Variants in RPAIN observed in about 807,000 individuals in gnomAD.
RPAIN encodes RPA interacting protein.
RPAIN carries 29 observed loss-of-function variants against 30.5 expected under a neutral mutation model. The ratio of observed to expected loss-of-function variants is 0.95; its 90% CI spans 0.71 to 1.30. The LOEUF is 1.30. Among genes scored for constraint, RPAIN ranks in the 50% most tolerant of loss-of-function variants. The probability of loss-of-function intolerance (pLI) is 0.00; values close to 1 mark genes in which losing one functional copy is unlikely to be tolerated. For synonymous variants in RPAIN, 101 were observed against 93.5 expected, an observed-to-expected ratio of 1.08 and a Z score of -0.46; for missense variants, 247 against 264.7, an observed-to-expected ratio of 0.93 and a Z score of 0.46.
intron 3 of RPAIN, 126 bp from the exon 4 acceptor site, chr17:5,425,845 C>T (rs1325663098): frequency 3.2e-6 from 2 of 628,846 alleles, no homozygotes; most frequent in Non-Finnish European, 5.6e-6. Flanking sequence ...AAAAACCAGT[C>T]ATTGGTATTG....
rs771596201 is a variant in RPAIN, at chr17:5,432,488, A to G, written c.631-54A>G. On this transcript the variant is annotated intron_variant, in intron 6 of 6. Transcript: ENST00000381209. ...TCATTGATTACAACTTTTATCAGAT[A>G]TCTTTCATGACTAGAATACAATTTA... 15 of 1,504,040 alleles carry G rather than the reference A, an allele frequency of 1.0e-5. No individual in the cohort carries two copies. The Middle Eastern group carries it at 2.0e-3, about 205-fold the overall frequency. 93.2% of individuals were successfully genotyped at this position (1,504,040 alleles called of 1,614,324 possible). A position where few individuals can be genotyped will look rare whatever the true frequency, so the allele number is the denominator to read the frequency against.
intron 6 of RPAIN, chr17:5,428,589 AT>A: frequency 9.6e-7 from 1 of 1,044,158 alleles, no homozygotes; most frequent in Non-Finnish European, 1.2e-6. Flanking sequence ...GCAGGGCAGC[AT>A]TAGGTTTGTC....
At chr17:5,431,183 T>C (rs1915877699) in intron 6 of RPAIN, 1 of 315,966 alleles carries the variant, frequency 3.2e-6, no homozygotes, top group South Asian at 2.7e-5. Context: ...GAGGTGGGGG[T>C]CACAGCAAAT....
intron 2 of RPAIN, 92 bp downstream of exon 2, chr17:5,421,558 C>T: frequency 3.6e-6 from 4 of 1,104,638 alleles, no homozygotes; most frequent in Non-Finnish European, 5.2e-6. Context: ...GTCCTCTAAA[C>T]CCACCATTCC....
At chr17:5,429,648 C>G (rs185715763) in intron 6 of RPAIN, 118 of 985,456 alleles carry the variant, frequency 1.2e-4, no homozygotes, top group Non-Finnish European at 4.0e-5. Flanking sequence ...AAACCCCTCA[C>G]TACTTCCTGT....
At chr17:5,425,290 A>G (rs1377815604) in intron 3 of RPAIN, 2 of 455,764 alleles carry the variant, frequency 4.4e-6, no homozygotes, top group Non-Finnish European at 8.8e-6. Context: ...CACAGATTCC[A>G]AGTATGTGGA....
intron 6 of RPAIN, chr17:5,432,234 A>G (rs994010067): frequency 9.1e-6 from 3 of 330,876 alleles, no homozygotes; most frequent in Non-Finnish European, 1.7e-5. Context: ...GAGTTTGAAT[A>G]CAATCTTTCT....
intron 6 of RPAIN, chr17:5,431,436 G>A (rs1457186175): frequency 6.8e-6 from 3 of 441,558 alleles, no homozygotes; most frequent in Admixed American, 2.5e-5. Flanking sequence ...GCAGTGAGCT[G>A]AGAGGGCGCC....
chr17:5,428,327 T>G (rs1915603830), intron 6 of RPAIN, 116 bp downstream of exon 6: 1 of 1,558,326 alleles, frequency 6.4e-7, no homozygotes. Flanking sequence ...GTTTATTATC[T>G]GAGGAATTTA....
intron 3 of RPAIN, chr17:5,425,613 G>C (rs1328322698): frequency 2.8e-6 from 1 of 356,394 alleles, no homozygotes; most frequent in East Asian, 7.4e-5. Flanking sequence ...TGGGATTACA[G>C]GTGTGAGTCA....
chr17:5,431,262 G>A lies in RPAIN; in HGVS notation c.631-1280G>A, dbSNP rs377464937. 14 of 357,396 alleles carry A rather than the reference G, an allele frequency of 3.9e-5. No individual in the cohort carries two copies. In the Admixed American group the frequency reaches 4.5e-4, roughly 12 times the overall value. 22.1% of individuals were successfully genotyped at this position (357,396 alleles called of 1,614,324 possible). A position where few individuals can be genotyped will look rare whatever the true frequency, so the allele number is the denominator to read the frequency against. ...AGCATTTAGGAAGGCTGAGGTGGGA[G>A]GATCACTTGAGGCCAGGAATTCAAG... On this transcript the variant is annotated intron_variant, in intron 6 of 6. Coordinates refer to ENST00000381209, the MANE Select transcript of RPAIN (RefSeq NM_001033002.4).
chr17:5,426,497 A>G, intron 5 of RPAIN, 198 bp downstream of exon 5: 1 of 592,554 alleles, frequency 1.7e-6, no homozygotes. Context: ...TACACATCAG[A>G]GCCTTTAGGG....
intron 1 of RPAIN, among the ~76,000 whole-genome samples, chr17:5,420,567 G>T (rs959612228): frequency 3.3e-5 from 5 of 152,046 alleles, no homozygotes; most frequent in Admixed American, 2.0e-4. Context: ...TGCTGCGGAG[G>T]TGGCCACCGA....
chr17:5,426,804 C>G (rs1026209214), intron 5 of RPAIN: 2 of 152,572 alleles, frequency 1.3e-5, no homozygotes, highest in African/African-American at 4.8e-5. Flanking sequence ...CCACGCCCGG[C>G]TAATTTTTTT....
Position 5,426,258 on chromosome 17 carries a change from G to A in RPAIN, c.448G>A (p.Gly150Ser), listed in dbSNP as rs547349929. Reference protein sequence around the residue: ...CTKYNLRITSGVVVCQCGLSI... With the variant: ...CTKYNLRITSSVVVCQCGLSI... ...TAGGTACAACCTGAGAATCACAAGCGGTGTGGTGGTGTGTCAGTGTGGCCT... is the reference window on the plus strand; with the variant it reads ...TAGGTACAACCTGAGAATCACAAGCAGTGTGGTGGTGTGTCAGTGTGGCCT... The change falls in exon 5 of 7, where the codon GGT becomes AGT. Residue 150 changes from glycine (G) to serine (S), a missense_variant. By Grantham distance (56) the Gly-to-Ser change is moderately conservative (BLOSUM62 0). Coordinates refer to ENST00000381209, the MANE Select transcript of RPAIN (RefSeq NM_001033002.4). The A allele has an allele frequency of 3.5e-5, 56 of 1,614,136 alleles. No homozygotes were observed. The South Asian group carries it at 4.8e-4, about 14-fold the overall frequency.
chr17:5,426,324 A>G (rs1350660275), intron 5 of RPAIN, 25 bp downstream of exon 5: 3 of 1,591,776 alleles, frequency 1.9e-6, no homozygotes, highest in Non-Finnish European at 2.6e-6. Flanking sequence ...CACAGATTTC[A>G]TGATACTTCT....
chr17:5,431,856 TAAGA>T, intron 6 of RPAIN: 2 of 334,786 alleles, frequency 6.0e-6, no homozygotes, highest in South Asian at 4.7e-5. Context: ...GTGGAAGTGG[TAAGA>T]AACAAGAGTA....
Position 5,428,075 on chromosome 17 carries a change from C to T in RPAIN, c.494C>T (p.Ser165Phe). The T allele has an allele frequency of 8.1e-6, 13 of 1,614,128 alleles. No homozygotes were observed. Among genetic ancestry groups the T allele is most frequent in the Non-Finnish European group, 1.1e-5 (13 of 1,180,022 alleles). Residue 165 changes from serine (S) to phenylalanine (F), a missense_variant, in exon 6 of 7, where the codon TCT (serine) becomes TTT (phenylalanine). Transcript: ENST00000381209. ...QCGLSIPSHS[S>F]ELTEQKLRAC... ...TTGAACTTTTTTATTTTGTAGTCTT[C>T]TGAGTTGACAGAGCAGAAGCTTCGT...
At chr17:5,431,501 G>T (rs77658894) in intron 6 of RPAIN, 1 of 330,216 alleles carries the variant, frequency 3.0e-6, no homozygotes, top group African/African-American at 3.9e-5. Context: ...AAAAAAAAAA[G>T]AGGAGGGGGA....
Sources: gnomAD v4.1 joint callset for allele counts (sites outside exome capture counted in the v4.1 genomes callset) on GRCh38, gnomAD v4.1.1 for gene constraint, MANE v1.5 for transcripts, NCBI Gene and HGNC (gene_info 2026-07-23, HGNC 2026-07-21) for gene names.